The following NFIB variants were observed in gnomAD, a reference collection of about 807,000 sequenced individuals.
NFIB encodes nuclear factor 1 B-type.
NFIB carries 11 observed loss-of-function variants against 61.5 expected under a neutral mutation model. The ratio of observed to expected loss-of-function variants is 0.18; its 90% CI spans 0.11 to 0.30. The LOEUF (loss-of-function observed/expected upper bound fraction) is 0.30, where lower values mean the gene tolerates loss of function less well. Ranked by LOEUF, NFIB falls within the 10% of genes least tolerant of loss-of-function variation. NFIB has a pLI of 1.00. For missense variants in NFIB, 471 were observed against 608.9 expected, an observed-to-expected ratio of 0.77 and a Z score of 2.38; for synonymous variants, 260 against 216.5, an observed-to-expected ratio of 1.20 and a Z score of -1.76.
chr9:14,528,775 A>G, the NFIB span, among the ~76,000 whole-genome samples: 1 of 152,170 alleles, frequency 6.6e-6, no homozygotes, highest in Admixed American at 6.5e-5. Context: ...TACAAAATAG[A>G]ATGGAAAGTC....
intron 1 of NFIB, among the ~76,000 whole-genome samples, chr9:14,371,451 T>C (rs1294995016): frequency 6.6e-6 from 1 of 152,212 alleles, no homozygotes; most frequent in Admixed American, 6.5e-5. Context: ...TCAGGGGCTA[T>C]AGGATCTCAT....
At chr9:14,113,503 A>T (rs2037687071) in intron 9 of NFIB, among the ~76,000 whole-genome samples, 1 of 152,260 alleles carries the variant, frequency 6.6e-6, no homozygotes, top group Non-Finnish European at 1.5e-5. Flanking sequence ...GCCAGGAAAA[A>T]GTGACAGCTT....
At chr9:14,113,134 A>C in intron 9 of NFIB, 53 bp from the exon 10 acceptor site, 2 of 1,499,948 alleles carry the variant, frequency 1.3e-6, no homozygotes, top group Non-Finnish European at 1.8e-6. Context: ...ATCAGAACGA[A>C]CACCCTGTCC....
intron 9 of NFIB, among the ~76,000 whole-genome samples, chr9:14,113,911 A>T (rs184665656): frequency 6.6e-6 from 1 of 152,238 alleles, no homozygotes; most frequent in African/African-American, 2.4e-5. Flanking sequence ...ACAAAAAAAA[A>T]ATGAATAGGG....
At chr9:14,303,489 T>C (rs7021322) in intron 2 of NFIB, among the ~76,000 whole-genome samples, 127,583 of 152,188 alleles carry the variant, frequency 0.84, 55,606 homozygotes, top group Non-Finnish European at 0.95. Context: ...TTTGGGAAAA[T>C]AGATACCATT....
chr9:14,092,893 G>A (rs917447758), intron 10 of NFIB, among the ~76,000 whole-genome samples: 5 of 151,898 alleles, frequency 3.3e-5, no homozygotes, highest in Non-Finnish European at 7.4e-5. Flanking sequence ...GTTCATCTTC[G>A]CATCTACCTA....
At chr9:14,327,887 A>G (rs1030233680) in intron 1 of NFIB, among the ~76,000 whole-genome samples, 4 of 152,216 alleles carry the variant, frequency 2.6e-5, no homozygotes, top group Admixed American at 6.5e-5. Flanking sequence ...GAAAATTTTG[A>G]TACCACTATG....
At position 14,221,067 on chromosome 9, in the gene NFIB, T is replaced by A. The variant is rs12236761; in HGVS notation, c.563-41287A>T. ...CATCCTGAGGTCAAGCCAAGCCAAA[T>A]GTTGACATACCAGGAGTCTCTGCCC... On this transcript the variant is annotated intron_variant, in intron 2 of 10. Transcript: ENST00000380953. 0.039 allele frequency among the ~76,000 whole-genome samples: 5,945 copies of A among 152,144 alleles called. 635 individuals carry two copies. In the East Asian group the frequency reaches 0.43, roughly 11 times the overall value.
intron 2 of NFIB, among the ~76,000 whole-genome samples, chr9:14,236,133 CAT>C (rs1366582133): frequency 2.0e-5 from 3 of 152,172 alleles, no homozygotes; most frequent in Non-Finnish European, 4.4e-5. Flanking sequence ...TTAACAAAGA[CAT>C]GTGTACGCAT....
the NFIB span, among the ~76,000 whole-genome samples, chr9:14,488,763 T>C: frequency 2.0e-5 from 3 of 152,192 alleles, no homozygotes; most frequent in African/African-American, 7.2e-5. Context: ...GAATACACAA[T>C]GAATACATTA....
intron 8 of NFIB, among the ~76,000 whole-genome samples, chr9:14,116,967 G>A (rs942730993): frequency 3.3e-5 from 5 of 152,148 alleles, no homozygotes; most frequent in African/African-American, 7.2e-5. Flanking sequence ...GAGATCTATG[G>A]TCAACTTTTG....
the NFIB span, among the ~76,000 whole-genome samples, chr9:14,451,036 A>C: frequency 6.6e-6 from 1 of 152,178 alleles, no homozygotes; most frequent in African/African-American, 2.4e-5. Context: ...TAGAGCAGGG[A>C]TTTTGGTCCA....
In NFIB at chr9:14,313,721, G is replaced by C; in HGVS notation, c.-210C>G. 7.1e-7 allele frequency: 1 copy of C among 1,401,842 alleles called. No individual in the cohort carries two copies. Among genetic ancestry groups the C allele is most frequent in the Non-Finnish European group, 9.3e-7 (1 of 1,079,564 alleles). The allele number at this position is 1,401,842 out of a possible 1,614,324, so 86.8% of individuals were successfully genotyped here. The stretch of plus-strand genomic sequence containing the variant: ...TCACTCGGCGTGCTAGATTTCCAGG[G>C]GTGAAATCCAATCTACACTTTTAAC... On this transcript the variant is annotated 5_prime_UTR_variant, in exon 1 of 11. Transcript: ENST00000380953. The surrounding 1 kb of genome is among the most constrained non-coding windows in gnomAD (Gnocchi z 4.5).
intron 1 of NFIB, among the ~76,000 whole-genome samples, chr9:14,388,741 G>C (rs2061585074): frequency 6.6e-6 from 1 of 152,190 alleles, no homozygotes; most frequent in Non-Finnish European, 1.5e-5. Flanking sequence ...AAGGATATCT[G>C]TGACATTGTA....
chr9:14,141,660 T>G (rs1048283447), intron 6 of NFIB, among the ~76,000 whole-genome samples: 1 of 152,086 alleles, frequency 6.6e-6, no homozygotes, highest in African/African-American at 2.4e-5. Context: ...TGACAAATTG[T>G]TCATTGAACC....
intron 3 of NFIB, among the ~76,000 whole-genome samples, chr9:14,177,485 A>T (rs2046315101): frequency 6.6e-6 from 1 of 152,246 alleles, no homozygotes; most frequent in East Asian, 1.9e-4. Context: ...TCCAAAATAG[A>T]ATTCCTTAAT....
intron 2 of NFIB, among the ~76,000 whole-genome samples, chr9:14,284,540 A>G (rs945845260): frequency 4.6e-5 from 7 of 152,226 alleles, no homozygotes; most frequent in African/African-American, 1.7e-4. Context: ...TCAAAATTCA[A>G]AAGTTTTTGA....
At chr9:14,179,860 A>G in intron 2 of NFIB, 80 bp from the exon 3 acceptor site, 1 of 1,424,790 alleles carries the variant, frequency 7.0e-7, no homozygotes, top group Non-Finnish European at 9.6e-7. Context: ...CTCGAAAAAA[A>G]AATTTGAAGG....
In NFIB at chr9:14,294,632, G is replaced by C. The variant is rs140086663; in HGVS notation, c.562+12357C>G. On this transcript the variant is annotated intron_variant, in intron 2 of 10. Transcript: ENST00000380953. ...ACAGATTATTAAAAATTATGTGCCAGAATCCAAACAAGCTAATCAATGTAC... is the reference window on the plus strand; with the variant it reads ...ACAGATTATTAAAAATTATGTGCCACAATCCAAACAAGCTAATCAATGTAC... 5.0e-3 allele frequency among the ~76,000 whole-genome samples: 761 copies of C among 152,292 alleles called. 6 individuals carry two copies. Among genetic ancestry groups the C allele is most frequent in the Non-Finnish European group, 8.8e-3 (600 of 68,022 alleles).
Sources: gnomAD v4.1 joint callset for allele counts (sites outside exome capture counted in the v4.1 genomes callset) on GRCh38, gnomAD v4.1.1 for gene constraint, Gnocchi (gnomAD v3.1) non-coding constraint, MANE v1.5 for transcripts, NCBI Gene and HGNC (gene_info 2026-07-23, HGNC 2026-07-21) for gene names.